COL25A1: variants seen among roughly 807,000 people sequenced by gnomAD.
COL25A1 encodes collagen alpha-1(XXV) chain.
A neutral mutation model predicts 128.4 loss-of-function variants in COL25A1; 103 were observed. The ratio of observed to expected loss-of-function variants is 0.80; its 90% CI spans 0.68 to 0.94. The LOEUF (loss-of-function observed/expected upper bound fraction) is 0.94. Among genes scored for constraint, COL25A1 ranks in the 40% least tolerant of loss-of-function variants. The pLI, the probability that COL25A1 is intolerant of heterozygous loss-of-function variation, is 0.00. For synonymous variants in COL25A1, 279 were observed against 277.2 expected (o/e 1.01, Z -0.06); for missense variants, 745 against 840.0 (o/e 0.89, Z 1.40).
At chr4:109,233,120 A>C (rs1221975949) in intron 3 of COL25A1, among the ~76,000 whole-genome samples, 1 of 152,156 alleles carries the variant, frequency 6.6e-6, no homozygotes, top group Non-Finnish European at 1.5e-5. Context: ...TTAAGTATTT[A>C]AGGACCTGGG....
At chr4:108,903,109 G>C (rs1385867485) in intron 13 of COL25A1, among the ~76,000 whole-genome samples, 2 of 151,914 alleles carry the variant, frequency 1.3e-5, no homozygotes, top group African/African-American at 4.8e-5. Context: ...TTCATGCTGA[G>C]ATTTTGAAGC....
intron 8 of COL25A1, among the ~76,000 whole-genome samples, chr4:108,966,923 A>AAAAGAAAGAAAG (rs1397889883): frequency 7.9e-6 from 1 of 126,354 alleles, no homozygotes; most frequent in Non-Finnish European, 1.8e-5. Flanking sequence ...GGAAAGAGAG[A>AAAAGAAAGAAAG]AAAAGAGAGA....
chr4:109,016,889 G>A (rs149453139), intron 5 of COL25A1, among the ~76,000 whole-genome samples: 87 of 152,288 alleles, frequency 5.7e-4, no homozygotes, highest in African/African-American at 2.0e-3. Context: ...CTGAATGTGG[G>A]ACAAGAACTT....
chr4:108,924,296 G>T (rs1386213998), intron 11 of COL25A1, among the ~76,000 whole-genome samples: 3 of 152,122 alleles, frequency 2.0e-5, no homozygotes, highest in African/African-American at 7.2e-5. Context: ...GGAAAGTTAT[G>T]CAAAATAAAG....
chr4:109,043,413 T>C (rs1453373545), intron 5 of COL25A1, among the ~76,000 whole-genome samples: 1 of 152,104 alleles, frequency 6.6e-6, no homozygotes, highest in African/African-American at 2.4e-5. Flanking sequence ...AACAAGATTC[T>C]AGGGTTCAAA....
chr4:109,254,209 G>A (rs1411780724), intron 3 of COL25A1, among the ~76,000 whole-genome samples: 2 of 151,518 alleles, frequency 1.3e-5, no homozygotes, highest in Non-Finnish European at 2.9e-5. Flanking sequence ...ACTATGTATT[G>A]TATTTCTTAA....
chr4:108,937,171 G>T (rs1190446805), intron 11 of COL25A1, among the ~76,000 whole-genome samples: 1 of 152,054 alleles, frequency 6.6e-6, no homozygotes, highest in Non-Finnish European at 1.5e-5. Context: ...GGCAGCTCAG[G>T]AGACAGACAG....
chr4:109,011,154 C>T (rs1405162), intron 5 of COL25A1, among the ~76,000 whole-genome samples: 77,785 of 152,136 alleles, frequency 0.51, 22,639 homozygotes, highest in African/African-American at 0.78. Context: ...AAATCTCCAA[C>T]TGGATTTTGT....
chr4:109,176,920 A>C (rs897819248), intron 3 of COL25A1, among the ~76,000 whole-genome samples: 11 of 152,182 alleles, frequency 7.2e-5, no homozygotes, highest in Admixed American at 3.9e-4. Flanking sequence ...AGAGTTCAGA[A>C]GGAACATGGT....
chr4:109,056,955 G>A (rs887712525), intron 3 of COL25A1, among the ~76,000 whole-genome samples: 4 of 152,148 alleles, frequency 2.6e-5, no homozygotes, highest in African/African-American at 9.7e-5. Flanking sequence ...AAACTTCTGG[G>A]CTCAAGCGAT....
chr4:108,956,755 T>G (rs1211650123), intron 8 of COL25A1, among the ~76,000 whole-genome samples: 5 of 152,204 alleles, frequency 3.3e-5, no homozygotes, highest in Non-Finnish European at 7.3e-5. Flanking sequence ...GGTGTGGGAA[T>G]GATTTTTGTC....
chr4:109,218,367 T>TTTTTGTTTTTTTTTTTTTTG (rs1560887297), intron 3 of COL25A1, among the ~76,000 whole-genome samples: 5 of 128,386 alleles, frequency 3.9e-5, no homozygotes, highest in Admixed American at 7.7e-5. Flanking sequence ...GTTTTTTTTT[T>TTTTTGTTTTTTTTTTTTTTG]TTTTTTTTTT....
intron 3 of COL25A1, among the ~76,000 whole-genome samples, chr4:109,061,103 A>G (rs140497712): frequency 6.6e-6 from 1 of 152,286 alleles, no homozygotes; most frequent in Non-Finnish European, 1.5e-5. Context: ...TATCTAACAA[A>G]TCCAACCCTA....
At chr4:108,931,982 A>T (rs1746809000) in intron 11 of COL25A1, among the ~76,000 whole-genome samples, 3 of 152,196 alleles carry the variant, frequency 2.0e-5, no homozygotes, top group African/African-American at 7.2e-5. Context: ...AGTTTTACCA[A>T]ACAAGATTTT....
chr4:109,224,862 C>A (rs1222896317), intron 3 of COL25A1, among the ~76,000 whole-genome samples: 1 of 152,184 alleles, frequency 6.6e-6, no homozygotes, highest in Non-Finnish European at 1.5e-5. Context: ...ATCGCTTGAA[C>A]CCGGGAGGCG....
intron 20 of COL25A1, among the ~76,000 whole-genome samples, 156 bp downstream of exon 20, chr4:108,868,920 AAAGAAAAGAAGG>A (rs1197107931): frequency 6.6e-6 from 1 of 151,010 alleles, no homozygotes; most frequent in Non-Finnish European, 1.5e-5. Flanking sequence ...AAAGAAAGAG[AAAGAAAAGAAGG>A]AAGGAAAGAA....
intron 3 of COL25A1, among the ~76,000 whole-genome samples, chr4:109,289,120 T>G (rs56759388): frequency 0.14 from 21,118 of 152,064 alleles, 4,423 homozygotes; most frequent in African/African-American, 0.45. Flanking sequence ...AGTACATCTT[T>G]CCTATGTATC....
intron 3 of COL25A1, among the ~76,000 whole-genome samples, chr4:109,141,113 T>C (rs984803162): frequency 6.6e-6 from 1 of 152,106 alleles, no homozygotes; most frequent in East Asian, 2.0e-4. Context: ...GTTCCATCAA[T>C]ACCTAGTTTA....
chr4:109,018,001 C>A (rs1484806436), intron 5 of COL25A1, among the ~76,000 whole-genome samples: 1 of 151,598 alleles, frequency 6.6e-6, no homozygotes, highest in African/African-American at 2.4e-5. Flanking sequence ...ATTTCATTAT[C>A]TTTAAAATTC....
Sources: gnomAD v4.1 joint callset for allele counts (sites outside exome capture counted in the v4.1 genomes callset) on GRCh38, gnomAD v4.1.1 for gene constraint, MANE v1.5 for transcripts, NCBI Gene and HGNC (gene_info 2026-07-23, HGNC 2026-07-21) for gene names.